The following IFTAP variants were observed in gnomAD, a reference collection of about 807,000 sequenced individuals.
The protein encoded by IFTAP is intraflagellar transport associated protein.
In IFTAP, 19 loss-of-function variants were observed where a neutral mutation model predicts 19.4. The ratio of observed to expected loss-of-function variants is 0.98; its 90% CI spans 0.68 to 1.44. IFTAP has a LOEUF of 1.44. Ranked by LOEUF, IFTAP falls within the 40% of genes most tolerant of loss-of-function variation. The pLI, the probability that IFTAP is intolerant of heterozygous loss-of-function variation, is 0.00. For synonymous variants in IFTAP, 85 were observed against 83.5 expected, an observed-to-expected ratio of 1.02 and a Z score of -0.10; for missense variants, 240 against 253.6, an observed-to-expected ratio of 0.95 and a Z score of 0.36.
At chr11:36,632,885 C>A (rs1852781767) in intron 2 of IFTAP, among the ~76,000 whole-genome samples, 1 of 150,988 alleles carries the variant, frequency 6.6e-6, no homozygotes. Flanking sequence ...GAGTGATTTT[C>A]ATATTTTACT....
At chr11:36,626,700 A>G (rs539209148) in intron 2 of IFTAP, among the ~76,000 whole-genome samples, 1 of 151,450 alleles carries the variant, frequency 6.6e-6, no homozygotes, top group South Asian at 2.1e-4. Context: ...AAAACAGGCC[A>G]TGTGATAGAG....
intron 1 of IFTAP, among the ~76,000 whole-genome samples, chr11:36,600,489 A>G (rs1371944402): frequency 6.6e-6 from 1 of 152,204 alleles, no homozygotes; most frequent in Non-Finnish European, 1.5e-5. Flanking sequence ...TCCTTATGAG[A>G]ATCGAATGCC....
At chr11:36,635,973 A>C (rs1343139563) in intron 3 of IFTAP, 78 bp from the exon 4 acceptor site, 1 of 894,336 alleles carries the variant, frequency 1.1e-6, no homozygotes, top group Non-Finnish European at 1.8e-6. Context: ...GTGTTGTGGA[A>C]GTGGATTCGT....
intron 3 of IFTAP, 88 bp downstream of exon 3, chr11:36,633,526 A>T: frequency 9.4e-7 from 1 of 1,060,888 alleles, no homozygotes; most frequent in East Asian, 2.9e-5. Flanking sequence ...ACTAAACACT[A>T]GACAGTTATT....
intron 2 of IFTAP, among the ~76,000 whole-genome samples, chr11:36,621,565 G>T (rs2133413604): frequency 6.6e-6 from 1 of 152,028 alleles, no homozygotes; most frequent in East Asian, 1.9e-4. Context: ...CAATTTTGTT[G>T]TATATGAACT....
At chr11:36,635,713 C>T (rs2133463426) in intron 3 of IFTAP, among the ~76,000 whole-genome samples, 1 of 152,312 alleles carries the variant, frequency 6.6e-6, no homozygotes. Flanking sequence ...CCCAGAAACA[C>T]TGTTTTCAAC....
At chr11:36,623,707 A>T (rs16929201) in intron 2 of IFTAP, among the ~76,000 whole-genome samples, 1 of 152,244 alleles carries the variant, frequency 6.6e-6, no homozygotes, top group East Asian at 1.9e-4. Context: ...ATTAGCAAGT[A>T]CACAGACAAG....
intron 5 of IFTAP, among the ~76,000 whole-genome samples, chr11:36,650,783 C>T (rs977217771): frequency 3.3e-5 from 5 of 151,882 alleles, no homozygotes; most frequent in East Asian, 1.9e-4. Context: ...TCAATTCCCA[C>T]GTATGAGTGA....
At chr11:36,624,166 T>A (rs187353542) in intron 2 of IFTAP, among the ~76,000 whole-genome samples, 18 of 152,134 alleles carry the variant, frequency 1.2e-4, no homozygotes, top group African/African-American at 4.1e-4. Context: ...TTGTTCATAG[T>A]ACAAAAATTA....
In IFTAP at chr11:36,614,360, AT is replaced by A. The variant is rs1203229694; in HGVS notation, c.136+4122del. ...TGGTTCCAACTCTTTGCTATTGTGA[AT>A]AATGCCACAATAAACATACGTGTGC... is the stretch of plus-strand genomic sequence containing the variant. On this transcript the variant is annotated intron_variant, in intron 2 of 5. Coordinates refer to ENST00000334307, the MANE Select transcript of IFTAP (RefSeq NM_138787.4). Among the ~76,000 whole-genome samples, 35 of 148,596 alleles carry A rather than the reference AT, an allele frequency of 2.4e-4. 1 individual carries two copies. The highest frequency in any genetic ancestry group is 8.6e-4 in the African/African-American group (34 of 39,398).
intron 4 of IFTAP, among the ~76,000 whole-genome samples, chr11:36,644,660 T>A (rs868219251): frequency 1.8e-4 from 28 of 152,208 alleles, no homozygotes; most frequent in Middle Eastern, 3.4e-3. Context: ...CATGGAATAC[T>A]ATGCAGCCAT....
rs567586306 is a variant in IFTAP, at chr11:36,633,613, A to T, written c.291+175A>T. Among the ~76,000 whole-genome samples the T allele has an allele frequency of 2.0e-5, 3 of 152,252 alleles. No homozygotes were observed. In the South Asian group the frequency reaches 6.2e-4, roughly 32 times the overall value. The stretch of plus-strand genomic sequence containing the variant: ...AAGTCATCATTACATATATTTCATA[A>T]TGTTGACAGCTATTGTTTATGATGA... On this transcript the variant is annotated intron_variant, in intron 3 of 5. Coordinates refer to ENST00000334307, the MANE Select transcript of IFTAP (RefSeq NM_138787.4).
At chr11:36,650,317 A>T (rs1278172261) in intron 5 of IFTAP, among the ~76,000 whole-genome samples, 1 of 152,070 alleles carries the variant, frequency 6.6e-6, no homozygotes, top group Non-Finnish European at 1.5e-5. Context: ...GCCTATTAAG[A>T]TTCCATCAAC....
chr11:36,652,077 A>G (rs1853761269), intron 5 of IFTAP, among the ~76,000 whole-genome samples: 1 of 152,122 alleles, frequency 6.6e-6, no homozygotes, highest in South Asian at 2.1e-4. Context: ...AGTTTTTTCC[A>G]ATTCTGTGAA....
Position 36,659,129 on chromosome 11 carries a change from A to G in IFTAP, c.609A>G (p.Leu203=). 1 of 1,608,748 alleles carries G rather than the reference A, an allele frequency of 6.2e-7. No homozygotes were observed. The highest frequency in any genetic ancestry group is 8.5e-7 in the Non-Finnish European group (1 of 1,177,548). ...CAGAGATAGAGAACATCAAAGAGCT[A>G]TGCAAGCAGCAGAAGAGAAAGGACA... The part of the protein sequence containing the change: ...SPAEIENIKE[L]CKQQKRKDTS... Residue 203 remains leucine (L), a synonymous_variant, in exon 6 of 6, where the codon CTA becomes CTG. Transcript: ENST00000334307.
At chr11:36,650,401 T>C (rs1280167434) in intron 5 of IFTAP, among the ~76,000 whole-genome samples, 1 of 152,024 alleles carries the variant, frequency 6.6e-6, no homozygotes, top group African/African-American at 2.4e-5. Flanking sequence ...TAACATATAA[T>C]AATTGTATGT....
At chr11:36,639,370 G>A (rs1853102597) in intron 4 of IFTAP, among the ~76,000 whole-genome samples, 2 of 151,916 alleles carry the variant, frequency 1.3e-5, no homozygotes, top group African/African-American at 2.4e-5. Flanking sequence ...ACTGATTCCT[G>A]CTCAAAGGTT....
At chr11:36,627,333 G>T (rs1401769340) in intron 2 of IFTAP, among the ~76,000 whole-genome samples, 1 of 150,970 alleles carries the variant, frequency 6.6e-6, no homozygotes, top group East Asian at 1.9e-4. Flanking sequence ...GCTTTGTGGT[G>T]TGTAAATTAC....
At chr11:36,608,860 A>G (rs1211105299) in intron 1 of IFTAP, among the ~76,000 whole-genome samples, 5 of 152,218 alleles carry the variant, frequency 3.3e-5, no homozygotes, top group Non-Finnish European at 5.9e-5. Flanking sequence ...ACTTGAAACC[A>G]TGTCATATAG....
Sources: allele counts gnomAD v4.1 joint callset (sites outside exome capture counted in the v4.1 genomes callset), GRCh38; gene constraint gnomAD v4.1.1; transcripts MANE v1.5; gene names NCBI Gene and HGNC (gene_info 2026-07-23, HGNC 2026-07-21).